The following ATMIN variants were observed in gnomAD, a reference collection of about 807,000 sequenced individuals.
ATMIN encodes ATM interactor, also known as ATM INteracting protein.
In ATMIN, 24 loss-of-function variants were observed where a neutral mutation model predicts 49.2. The ratio of observed to expected loss-of-function variants is 0.49; its 90% confidence interval spans 0.35 to 0.69. The LOEUF (loss-of-function observed/expected upper bound fraction) is 0.69, where lower values mean the gene tolerates loss of function less well. Ranked by LOEUF, ATMIN falls within the 30% of genes least tolerant of loss-of-function variation. The pLI is 0.00. For synonymous variants in ATMIN, 450 were observed against 392.5 expected, an observed-to-expected ratio of 1.15 and a Z score of -1.73; for missense variants, 1,037 against 1,005.5, an observed-to-expected ratio of 1.03 and a Z score of -0.42.
chr16:81,041,683 A>T, intron 2 of ATMIN: 1 of 568,968 alleles, frequency 1.8e-6, no homozygotes, highest in South Asian at 2.6e-5. Context: ...TATGTCTAGA[A>T]CTGAGTTAAA....
intron 2 of ATMIN, 90 bp downstream of exon 2, chr16:81,041,571 A>T: frequency 6.7e-7 from 1 of 1,489,810 alleles, no homozygotes; most frequent in East Asian, 2.3e-5. Context: ...AATTGAGTAG[A>T]CAGCTGCTTG....
rs1480002734 is a variant in ATMIN, at chr16:81,046,660, T to TCA, written c.*1690_*1691insCA. ...AGTGCAGCCTGTAAGTTCTCCACAT[T>TCA]GACACACACACACACACACACACAC... is the stretch of plus-strand genomic sequence containing the variant. On this transcript the variant is annotated 3_prime_UTR_variant, in exon 4 of 4. Transcript: ENST00000299575. The TCA allele has an allele frequency of 1.1e-4, 6 of 53,130 alleles. No homozygotes were observed. Among genetic ancestry groups the TCA allele is most frequent in the African/African-American group, 2.9e-4 (6 of 20,628 alleles). 3.3% of individuals were successfully genotyped at this position (53,130 alleles called of 1,614,324 possible).
Position 81,046,494 on chromosome 16 carries a change from G to A in ATMIN, c.*1524G>A, listed in dbSNP as rs1971122865. 6.6e-6 allele frequency: 1 copy of A among 152,116 alleles called. No individual in the cohort carries two copies. Among genetic ancestry groups the A allele is most frequent in the Non-Finnish European group, 1.5e-5 (1 of 68,030 alleles). 9.4% of individuals were successfully genotyped at this position (152,116 alleles called of 1,614,324 possible). ...AATACCAGTCTTCAAAGAAAACAAG[G>A]TGAAGACCTATTGCTTCAATAATCA... is the stretch of plus-strand genomic sequence containing the variant. On this transcript the variant is annotated 3_prime_UTR_variant, in exon 4 of 4. Transcript: ENST00000299575.
intron 1 of ATMIN, among the ~76,000 whole-genome samples, chr16:81,038,278 A>C (rs1161654062): frequency 1.3e-5 from 2 of 151,696 alleles, no homozygotes; most frequent in African/African-American, 2.4e-5. Flanking sequence ...TTACAGGTGC[A>C]TACCACCACG....
intron 1 of ATMIN, among the ~76,000 whole-genome samples, chr16:81,038,919 C>T (rs1027658492): frequency 6.6e-6 from 1 of 152,202 alleles, no homozygotes. Flanking sequence ...CCTCAGCCTC[C>T]CGAGTAGTTG....
chr16:81,039,122 T>G (rs888310509), intron 1 of ATMIN, among the ~76,000 whole-genome samples: 2 of 152,094 alleles, frequency 1.3e-5, no homozygotes, highest in African/African-American at 2.4e-5. Context: ...ATACCTGTTT[T>G]CAAAGTACTG....
chr16:81,036,423 C>T (rs1334155180), intron 1 of ATMIN, among the ~76,000 whole-genome samples: 2 of 152,064 alleles, frequency 1.3e-5, no homozygotes, highest in Admixed American at 1.3e-4. Flanking sequence ...GAGCTGGGAG[C>T]CCCGGGTCCG....
chr16:81,042,527 C>T lies in ATMIN; in HGVS notation c.662+47C>T, dbSNP rs779774671. On this transcript the variant is annotated intron_variant, in intron 3 of 3. Transcript: ENST00000299575. ...CACAGAAGTCAGTAGCTATGGGAAG[C>T]ATTTCAGATGAAACATCCTGGAGAG... is the stretch of plus-strand genomic sequence containing the variant. The T allele has an allele frequency of 1.7e-5, 27 of 1,576,330 alleles. No homozygotes were observed. The Admixed American group carries it at 4.7e-4, about 27-fold the overall frequency.
intron 2 of ATMIN, 124 bp downstream of exon 2, chr16:81,041,605 C>T: frequency 9.3e-6 from 12 of 1,294,384 alleles, no homozygotes; most frequent in Non-Finnish European, 1.3e-5. Context: ...CTGCGTGTCT[C>T]CCAGTTGGTA....
At chr16:81,041,603 C>A in intron 2 of ATMIN, 122 bp downstream of exon 2, 1 of 1,314,674 alleles carries the variant, frequency 7.6e-7, no homozygotes, top group Non-Finnish European at 1.0e-6. Flanking sequence ...GCCTGCGTGT[C>A]TCCCAGTTGG....
rs566373800 is a variant in ATMIN at position 81,046,276 on chromosome 16, A to C, written c.*1306A>C. Reference sequence around the variant, plus strand: ...GTTTCAATACTTTGCACTTCTACTAAGCTTGATAGGGCAGGAGTGCAATCT... The same window carrying C: ...GTTTCAATACTTTGCACTTCTACTACGCTTGATAGGGCAGGAGTGCAATCT... On this transcript the variant is annotated 3_prime_UTR_variant, in exon 4 of 4. Transcript: ENST00000299575. The C allele has an allele frequency of 1.8e-4, 28 of 152,322 alleles. No homozygotes were observed. The highest frequency in any genetic ancestry group is 6.0e-4 in the African/African-American group (25 of 41,578). 9.4% of individuals were successfully genotyped at this position (152,322 alleles called of 1,614,324 possible). A position where few individuals can be genotyped will look rare whatever the true frequency, so the allele number is the denominator to read the frequency against.
chr16:81,036,643 G>A (rs1016955653), intron 1 of ATMIN, among the ~76,000 whole-genome samples: 1 of 152,226 alleles, frequency 6.6e-6, no homozygotes, highest in Non-Finnish European at 1.5e-5. Flanking sequence ...AAAGCCCTGT[G>A]CTTGCCACGA....
chr16:81,046,816 T>C lies in ATMIN; in HGVS notation c.*1846T>C. 1 of 152,726 alleles carries C rather than the reference T, an allele frequency of 6.5e-6. No homozygotes were observed. The highest frequency in any genetic ancestry group is 1.9e-4 in the East Asian group (1 of 5,192). The allele number at this position is 152,726 out of a possible 1,614,324, so 9.5% of individuals were successfully genotyped here. A position where few individuals can be genotyped will look rare whatever the true frequency, so the allele number is the denominator to read the frequency against. On this transcript the variant is annotated 3_prime_UTR_variant, in exon 4 of 4. Transcript: ENST00000299575. ...TGCTACTAATTCCTATCCCATACAT[T>C]TGACACAAAAGAAGTGTTGGTAATG...
chr16:81,042,191 A>C, intron 2 of ATMIN, 90 bp from the exon 3 acceptor site: 2 of 1,117,156 alleles, frequency 1.8e-6, no homozygotes, highest in South Asian at 2.7e-5. Context: ...TAATAGTGTA[A>C]AATCATTATT....
intron 2 of ATMIN, 149 bp downstream of exon 2, chr16:81,041,630 C>T: frequency 2.0e-6 from 2 of 985,978 alleles, no homozygotes; most frequent in South Asian, 3.6e-5. Flanking sequence ...CCTGAGTATG[C>T]TGTTACACAA....
chr16:81,038,244 C>T (rs1970979564), intron 1 of ATMIN, among the ~76,000 whole-genome samples: 1 of 152,048 alleles, frequency 6.6e-6, no homozygotes, highest in African/African-American at 2.4e-5. Flanking sequence ...GAGTCTCCTG[C>T]CTCAGCCTCC....
chr16:81,045,732 C>T lies in ATMIN; in HGVS notation c.*762C>T, dbSNP rs75954720. 1 of 152,102 alleles carries T rather than the reference C, an allele frequency of 6.6e-6. No individual in the cohort carries two copies. Among genetic ancestry groups the T allele is most frequent in the East Asian group, 1.9e-4 (1 of 5,198 alleles). 9.4% of individuals were successfully genotyped at this position (152,102 alleles called of 1,614,324 possible). A position where few individuals can be genotyped will look rare whatever the true frequency, so the allele number is the denominator to read the frequency against. On this transcript the variant is annotated 3_prime_UTR_variant, in exon 4 of 4. Transcript: ENST00000299575. ...GTGGCTTACCCCTGTAATCCCAGCA[C>T]TTTGGGAGGCCAAAGCAGGACGATC...
intron 1 of ATMIN, chr16:81,037,153 G>A: frequency 1.0e-6 from 1 of 985,048 alleles, no homozygotes; most frequent in Non-Finnish European, 1.2e-6. Flanking sequence ...CAATCTCTCA[G>A]TCATTACAAT....
chr16:81,044,545 G>A lies in ATMIN; in HGVS notation c.2047G>A (p.Ala683Thr), dbSNP rs1971088017. 6.2e-7 allele frequency: 1 copy of A among 1,614,090 alleles called. No homozygotes were observed. The highest frequency in any genetic ancestry group is 1.7e-4 in the Middle Eastern group (1 of 6,060). ...QTDFLLADTS[A>T]QSYGCRGNSN... is the part of the protein sequence containing the mutation. ...GGACTTCTTACTCGCAGATACCTCT[G>A]CTCAGTCCTATGGGTGTAGGGGAAA... Residue 683 changes from alanine (A) to threonine (T), a missense_variant, in exon 4 of 4, where the codon GCT becomes ACT. Coordinates refer to ENST00000299575, the MANE Select transcript of ATMIN (RefSeq NM_015251.3).
Sources: gnomAD v4.1 joint callset for allele counts (sites outside exome capture counted in the v4.1 genomes callset) on GRCh38, gnomAD v4.1.1 for gene constraint, MANE v1.5 for transcripts, NCBI Gene and HGNC (gene_info 2026-07-23, HGNC 2026-07-21) for gene names.